Variants in LRBA observed in about 807,000 individuals in gnomAD.
The protein encoded by LRBA is lipopolysaccharide-responsive and beige-like anchor protein.
In LRBA, 176 loss-of-function variants were observed where a neutral mutation model predicts 330.0. The ratio of observed to expected loss-of-function variants is 0.53; its 90% CI spans 0.47 to 0.60. LRBA has a LOEUF of 0.60. Ranked by LOEUF, LRBA falls within the 20% of genes least tolerant of loss-of-function variation. The probability of loss-of-function intolerance (pLI) is 0.00; values close to 1 mark genes in which losing one functional copy is unlikely to be tolerated. For synonymous variants in LRBA, 1,230 were observed against 1,193.0 expected (o/e 1.03, Z -0.64); for missense variants, 3,259 against 3,444.8 (o/e 0.95, Z 1.35).
At position 150,941,399 on chromosome 4, in the gene LRBA, C is replaced by T. The variant is rs190437862; in HGVS notation, c.217-12334G>A. Among the ~76,000 whole-genome samples the T allele has an allele frequency of 4.1e-3, 621 of 152,208 alleles. 6 individuals are homozygous for T. Among genetic ancestry groups the T allele is most frequent in the African/African-American group, 0.014 (594 of 41,534 alleles). ...AACTCCTGACCTTGTGATCCACCCACCTTGGCCTCCCAAAATGCTGGGATT... is the reference window on the plus strand; with the variant it reads ...AACTCCTGACCTTGTGATCCACCCATCTTGGCCTCCCAAAATGCTGGGATT... On this transcript the variant is annotated intron_variant, in intron 2 of 56. Coordinates refer to ENST00000651943, the MANE Select transcript of LRBA (RefSeq NM_001364905.1).
chr4:150,921,085 G>A, intron 5 of LRBA, 113 bp downstream of exon 5: 1 of 648,682 alleles, frequency 1.5e-6, no homozygotes, highest in East Asian at 2.6e-5. Context: ...AAAGTATGTT[G>A]AGCAGAAGTT....
At chr4:150,590,562 C>A in intron 39 of LRBA, 151 bp downstream of exon 39, 8 of 621,578 alleles carry the variant, frequency 1.3e-5, no homozygotes, top group South Asian at 4.6e-5. Flanking sequence ...AAAGGAGAAA[C>A]TGTAGAAGGG....
Position 150,491,012 on chromosome 4 carries a change from C to G in LRBA, c.6354G>C (p.Leu2118=). 2 of 1,604,788 alleles carry G rather than the reference C, an allele frequency of 1.2e-6. No homozygotes were observed. The highest frequency in any genetic ancestry group is 1.7e-6 in the Non-Finnish European group (2 of 1,173,662). The part of the protein sequence containing the change: ...DPKILAYTEG[L]HGKWLFTEIR... ...TCTCTGTGAACAGCCATTTTCCATG[C>G]AGCCCTTCTGTATATGCCAAGATCT... The change falls in exon 41 of 57, where the codon CTG becomes CTC. Residue 2118 remains leucine, a synonymous_variant. Transcript: ENST00000651943.
chr4:150,441,891 C>A (rs1175365083), intron 44 of LRBA, among the ~76,000 whole-genome samples: 1 of 151,988 alleles, frequency 6.6e-6, no homozygotes, highest in African/African-American at 2.4e-5. Context: ...GATTTAAAGG[C>A]CAATATAAGT....
chr4:150,914,356 A>T lies in LRBA; in HGVS notation c.1015-15T>A, dbSNP rs1000795022. 5.4e-6 allele frequency: 8 copies of T among 1,480,776 alleles called. No homozygotes were observed. Among genetic ancestry groups the T allele is most frequent in the Non-Finnish European group, 6.3e-6 (7 of 1,110,760 alleles). The allele number at this position is 1,480,776 out of a possible 1,614,324, so 91.7% of individuals were successfully genotyped here. ...TTGTCAAAGGTCTGTAAAAGAAAAA[A>T]AAAAAGGAATTAGGAAAAAACAAAA... On this transcript the variant is annotated splice_polypyrimidine_tract_variant and intron_variant, in intron 8 of 56. Transcript: ENST00000651943.
At chr4:150,921,634 G>A (rs932772000) in intron 4 of LRBA, among the ~76,000 whole-genome samples, 6 of 151,924 alleles carry the variant, frequency 3.9e-5, no homozygotes, top group South Asian at 2.1e-4. Flanking sequence ...GTGCAGTGGC[G>A]CCATCTCGGC....
chr4:150,421,257 AT>A (rs1358139737), intron 46 of LRBA, among the ~76,000 whole-genome samples: 1 of 127,338 alleles, frequency 7.9e-6, no homozygotes, highest in African/African-American at 2.7e-5. Flanking sequence ...TATATCATAC[AT>A]ATTTTATATA....
At chr4:150,801,049 A>T (rs1741539878) in intron 33 of LRBA, among the ~76,000 whole-genome samples, 1 of 152,176 alleles carries the variant, frequency 6.6e-6, no homozygotes, top group South Asian at 2.1e-4. Flanking sequence ...ATGAAAAAAT[A>T]GTCATGACTA....
chr4:151,008,601 A>C (rs1392115454), intron 2 of LRBA, among the ~76,000 whole-genome samples: 1 of 151,994 alleles, frequency 6.6e-6, no homozygotes, highest in African/African-American at 2.4e-5. Context: ...TGAAAAAAAA[A>C]ATCACCATAT....
At chr4:150,779,793 AATTACAACCTCAATCC>A (rs1737917584) in intron 34 of LRBA, among the ~76,000 whole-genome samples, 3 of 152,196 alleles carry the variant, frequency 2.0e-5, no homozygotes, top group Admixed American at 6.5e-5. Context: ...TCCAAAAAGT[AATTACAACCTCAATCC>A]ATTTGTAAAA....
Position 150,928,621 on chromosome 4 carries a change from A to T in LRBA, c.449-5T>A. ...CCAACATGTCAACCAAAAGATCTGG[A>T]AACAAAAGAAAACGATAAAATAACT... On this transcript the variant is annotated splice_polypyrimidine_tract_variant and splice_region_variant and intron_variant, in intron 3 of 56. Transcript: ENST00000651943. The T allele has an allele frequency of 6.3e-7, 1 of 1,595,496 alleles. No individual in the cohort carries two copies. Among genetic ancestry groups the T allele is most frequent in the Non-Finnish European group, 8.6e-7 (1 of 1,165,906 alleles).
At chr4:150,368,555 A>G (rs1323258065) in intron 47 of LRBA, among the ~76,000 whole-genome samples, 2 of 152,342 alleles carry the variant, frequency 1.3e-5, no homozygotes, top group African/African-American at 4.8e-5. Context: ...TCATTATGTA[A>G]CAATCTAAGG....
In LRBA at chr4:150,897,811, C is replaced by T. The variant is rs758043208; in HGVS notation, c.1932G>A (p.Pro644=). The T allele has an allele frequency of 1.2e-5, 20 of 1,609,470 alleles. No individual in the cohort carries two copies. Among genetic ancestry groups the T allele is most frequent in the African/African-American group, 2.7e-5 (2 of 74,766 alleles). ...SGITPKGLDG[P]RPNQKEMLSL... ...AAAGCATTTCTTTTTGATTAGGTCG[C>T]GGTCCATCTTTTAAAAAAATATACA... The change falls in exon 15 of 57, where the codon CCG becomes CCA. Residue 644 remains proline, a synonymous_variant. Transcript: ENST00000651943.
At chr4:151,004,198 G>A (rs1268097829) in intron 2 of LRBA, among the ~76,000 whole-genome samples, 3 of 152,036 alleles carry the variant, frequency 2.0e-5, no homozygotes, top group African/African-American at 2.4e-5. Flanking sequence ...CACCATGCCC[G>A]GCTAATTTTT....
At chr4:150,507,081 T>C (rs934071286) in intron 40 of LRBA, among the ~76,000 whole-genome samples, 3 of 151,342 alleles carry the variant, frequency 2.0e-5, no homozygotes, top group Admixed American at 2.0e-4. Flanking sequence ...TAAAAGAGGA[T>C]ACAAACAAAT....
intron 47 of LRBA, among the ~76,000 whole-genome samples, chr4:150,371,208 T>G (rs1282069271): frequency 2.8e-5 from 4 of 142,390 alleles, no homozygotes; most frequent in Non-Finnish European, 4.6e-5. Flanking sequence ...TTTTTTTTTT[T>G]TGGAGACAGA....
At chr4:150,985,648 A>C (rs1027483057) in intron 2 of LRBA, among the ~76,000 whole-genome samples, 33 of 151,904 alleles carry the variant, frequency 2.2e-4, no homozygotes, top group Admixed American at 3.3e-4. Flanking sequence ...ACAGGCACCC[A>C]CCACCACACC....
At chr4:150,758,201 GC>G (rs1339203970) in intron 35 of LRBA, among the ~76,000 whole-genome samples, 2 of 152,182 alleles carry the variant, frequency 1.3e-5, no homozygotes, top group Admixed American at 6.5e-5. Context: ...TTCTGTGACG[GC>G]CAGTAGGCCC....
intron 42 of LRBA, among the ~76,000 whole-genome samples, chr4:150,480,750 C>T (rs376678908): frequency 6.6e-6 from 1 of 152,118 alleles, no homozygotes; most frequent in Admixed American, 6.6e-5. Context: ...TTATGGTGTA[C>T]GCAGTGATGT....
Sources: allele counts gnomAD v4.1 joint callset (sites outside exome capture counted in the v4.1 genomes callset), GRCh38; gene constraint gnomAD v4.1.1; transcripts MANE v1.5; gene names NCBI Gene and HGNC (gene_info 2026-07-23, HGNC 2026-07-21).